CEP43: variants seen among roughly 807,000 people sequenced by gnomAD.
CEP43 encodes FGFR1 oncogene partner.
Under a neutral mutation model 52.6 loss-of-function variants are expected in CEP43, and 36 were observed. That is an observed-to-expected ratio of 0.68 (90% CI 0.52 to 0.90). The LOEUF is 0.90. Ranked by LOEUF, CEP43 falls within the 40% of genes least tolerant of loss-of-function variation. CEP43 has a pLI of 0.00. For missense variants in CEP43, 506 were observed against 472.8 expected (o/e 1.07, Z -0.65); for synonymous variants, 192 against 172.4 (o/e 1.11, Z -0.89).
intron 7 of CEP43, 90 bp from the exon 8 acceptor site, chr6:167,022,319 G>T: frequency 2.3e-6 from 2 of 883,414 alleles, no homozygotes; most frequent in South Asian, 3.4e-5. Flanking sequence ...ACACAGGTTT[G>T]ATTATGCTCA....
intron 3 of CEP43, 68 bp downstream of exon 3, chr6:167,003,315 A>C (rs1386818072): frequency 2.8e-5 from 24 of 865,008 alleles, no homozygotes; most frequent in Non-Finnish European, 3.7e-5. Flanking sequence ...ATTTGGGAGA[A>C]ATCAGGAATT....
At position 167,044,688 on chromosome 6, in the gene CEP43, G is replaced by A. The variant is rs2114857779; in HGVS notation, c.*4710G>A. On this transcript the variant is annotated 3_prime_UTR_variant, in exon 13 of 13. Coordinates refer to ENST00000366847, the MANE Select transcript of CEP43 (RefSeq NM_007045.4). ...CCCCGAACAAGGTAAGGTCGAGCTGGCCCCTCGTGTCATCCGACTTTGCGT... is the reference window on the plus strand; with the variant it reads ...CCCCGAACAAGGTAAGGTCGAGCTGACCCCTCGTGTCATCCGACTTTGCGT... 2.6e-6 allele frequency: 1 copy of A among 390,852 alleles called. No homozygotes were observed. Among genetic ancestry groups the A allele is most frequent in the Non-Finnish European group, 3.5e-6 (1 of 286,448 alleles). The allele number at this position is 390,852 out of a possible 1,614,324, so 24.2% of individuals were successfully genotyped here.
rs553464408 is a variant in CEP43, at chr6:167,006,001, C to G, written c.438+1600C>G. Among the ~76,000 whole-genome samples, 359 of 152,338 alleles carry G rather than the reference C, an allele frequency of 2.4e-3. 1 individual carries two copies. The highest frequency in any genetic ancestry group is 7.8e-3 in the African/African-American group (325 of 41,568). ...GGAACCAGGTTACTTGGGTGAAACC[C>G]CAGCTCTGCTACATTCTAGCTCTGT... On this transcript the variant is annotated intron_variant, in intron 5 of 12. Transcript: ENST00000366847.
intron 1 of CEP43, 103 bp downstream of exon 1, chr6:166,999,617 A>G: frequency 1.1e-6 from 1 of 872,184 alleles, no homozygotes; most frequent in Non-Finnish European, 1.6e-6. Context: ...CTGGCGAGGG[A>G]CCGGGGCCGG....
intron 10 of CEP43, chr6:167,028,213 A>G: frequency 1.0e-6 from 1 of 985,178 alleles, no homozygotes; most frequent in Non-Finnish European, 1.2e-6. Context: ...TTTTTCTCTG[A>G]CTGCTCTATT....
chr6:167,008,021 C>T (rs372727800), intron 5 of CEP43, among the ~76,000 whole-genome samples: 3 of 152,090 alleles, frequency 2.0e-5, no homozygotes, highest in Non-Finnish European at 4.4e-5. Context: ...TTCTTCTGTA[C>T]GATTGTAGTG....
At chr6:167,031,922 CT>C (rs1780479379) in intron 10 of CEP43, among the ~76,000 whole-genome samples, 1 of 152,198 alleles carries the variant, frequency 6.6e-6, no homozygotes, top group Non-Finnish European at 1.5e-5. Context: ...ACTGGTAACA[CT>C]GCCTCACTAT....
At chr6:167,018,794 C>T (rs1344536759) in intron 7 of CEP43, among the ~76,000 whole-genome samples, 1 of 152,136 alleles carries the variant, frequency 6.6e-6, no homozygotes, top group East Asian at 1.9e-4. Context: ...TGATACAAAA[C>T]CCAAGTAACT....
At chr6:167,036,384 T>C in intron 12 of CEP43, 1 of 985,330 alleles carries the variant, frequency 1.0e-6, no homozygotes, top group Non-Finnish European at 1.2e-6. Context: ...AGAAGGTGAC[T>C]TTGAACCAGA....
At chr6:167,030,133 T>C (rs145982195) in intron 10 of CEP43, among the ~76,000 whole-genome samples, 8 of 152,386 alleles carry the variant, frequency 5.2e-5, no homozygotes, top group African/African-American at 7.2e-5. Flanking sequence ...TGGCTTAGCT[T>C]GGGCTCAGAG....
Position 167,050,432 on chromosome 6 carries a change from G to A in CEP43, c.*10454G>A, listed in dbSNP as rs754509669. Reference sequence around the variant, plus strand: ...TAGGTCTTGTTATTGTGTCGTTCACGTCTTTTATTTCCTTGTTGATCTTAC... The same window carrying A: ...TAGGTCTTGTTATTGTGTCGTTCACATCTTTTATTTCCTTGTTGATCTTAC... On this transcript the variant is annotated 3_prime_UTR_variant, in exon 13 of 13. Transcript: ENST00000366847. 2.6e-5 allele frequency: 4 copies of A among 152,154 alleles called. No individual in the cohort carries two copies. Among genetic ancestry groups the A allele is most frequent in the African/African-American group, 7.2e-5 (3 of 41,424 alleles). The allele number at this position is 152,154 out of a possible 1,614,324, so 9.4% of individuals were successfully genotyped here.
chr6:167,010,790 A>T, intron 5 of CEP43, 23 bp from the exon 6 acceptor site: 1 of 1,275,210 alleles, frequency 7.8e-7, no homozygotes. Flanking sequence ...AATGTATTTT[A>T]ATTTTAAACT....
intron 11 of CEP43, among the ~76,000 whole-genome samples, 165 bp from the exon 12 acceptor site, chr6:167,033,710 A>G (rs1197211524): frequency 6.6e-6 from 1 of 152,200 alleles, no homozygotes; most frequent in African/African-American, 2.4e-5. Context: ...TGCCCTTGCT[A>G]CATTATTTTA....
At position 167,041,461 on chromosome 6, in the gene CEP43, T is replaced by G. The variant is rs1780692188; in HGVS notation, c.*1483T>G. On this transcript the variant is annotated 3_prime_UTR_variant, in exon 13 of 13. Transcript: ENST00000366847. ...TCTCCTTCAGCTCTTCATGTCTTAGTAAACAGCACCACGTGCAGATGTAAT... is the reference window on the plus strand; with the variant it reads ...TCTCCTTCAGCTCTTCATGTCTTAGGAAACAGCACCACGTGCAGATGTAAT... The G allele has an allele frequency of 9.4e-7, 1 of 1,059,976 alleles. No individual in the cohort carries two copies. The highest frequency in any genetic ancestry group is 1.1e-6 in the Non-Finnish European group (1 of 875,926). The allele number at this position is 1,059,976 out of a possible 1,614,324, so 65.7% of individuals were successfully genotyped here.
intron 5 of CEP43, among the ~76,000 whole-genome samples, chr6:167,008,937 A>G (rs1390391001): frequency 6.6e-6 from 1 of 152,122 alleles, no homozygotes; most frequent in Non-Finnish European, 1.5e-5. Flanking sequence ...CTAGACAAGA[A>G]TGGTAGCAGT....
intron 2 of CEP43, among the ~76,000 whole-genome samples, chr6:167,001,302 C>T (rs1374582756): frequency 1.3e-5 from 2 of 152,186 alleles, no homozygotes; most frequent in African/African-American, 4.8e-5. Flanking sequence ...TTTACTGTAT[C>T]TTTGACCCCT....
chr6:167,020,959 C>T (rs1394799090), intron 7 of CEP43, among the ~76,000 whole-genome samples: 1 of 145,582 alleles, frequency 6.9e-6, no homozygotes, highest in African/African-American at 2.5e-5. Flanking sequence ...GTAGTTTGTG[C>T]TTGTAATCCC....
chr6:167,012,132 G>A (rs1304868329), intron 6 of CEP43, among the ~76,000 whole-genome samples: 3 of 152,212 alleles, frequency 2.0e-5, no homozygotes, highest in African/African-American at 7.2e-5. Flanking sequence ...CTTCCAGGAC[G>A]TAGTGATTAT....
At chr6:167,009,790 C>T (rs1181234725) in intron 5 of CEP43, among the ~76,000 whole-genome samples, 1 of 151,542 alleles carries the variant, frequency 6.6e-6, no homozygotes, top group Non-Finnish European at 1.5e-5. Flanking sequence ...GAGCCGAGAT[C>T]GCACCACTGC....
Sources: gnomAD v4.1 joint callset for allele counts (sites outside exome capture counted in the v4.1 genomes callset) on GRCh38, gnomAD v4.1.1 for gene constraint, MANE v1.5 for transcripts, NCBI Gene and HGNC (gene_info 2026-07-23, HGNC 2026-07-21) for gene names.